ALCAM: variants seen among roughly 807,000 people sequenced by gnomAD.
ALCAM encodes the protein activated leukocyte cell adhesion molecule.
In ALCAM, 30 loss-of-function variants were observed where a neutral mutation model predicts 70.9. The observed-to-expected ratio is 0.42, with a 90% CI of 0.32 to 0.57. The LOEUF (loss-of-function observed/expected upper bound fraction) is 0.57, where lower values mean the gene tolerates loss of function less well. Among genes scored for constraint, ALCAM ranks in the 20% least tolerant of loss-of-function variants. The pLI is 0.11. For missense variants in ALCAM, 591 were observed against 695.1 expected (o/e 0.85, Z 1.68); for synonymous variants, 249 against 242.5 (o/e 1.03, Z -0.25).
At chr3:105,402,709 C>T (rs1048076316) in intron 1 of ALCAM, among the ~76,000 whole-genome samples, 5 of 152,054 alleles carry the variant, frequency 3.3e-5, no homozygotes, top group Non-Finnish European at 7.4e-5. Flanking sequence ...ACTGCACCCC[C>T]ATCCCCCATG....
intron 1 of ALCAM, among the ~76,000 whole-genome samples, chr3:105,485,058 T>A (rs561237628): frequency 1.2e-4 from 19 of 152,244 alleles, no homozygotes; most frequent in African/African-American, 3.8e-4. Context: ...TTATTCATTG[T>A]TCAATTTTTA....
intron 1 of ALCAM, among the ~76,000 whole-genome samples, chr3:105,426,307 T>C (rs1254650906): frequency 6.6e-6 from 1 of 151,906 alleles, no homozygotes; most frequent in African/African-American, 2.4e-5. Flanking sequence ...GGTACCTAGG[T>C]TCTTTTAATA....
intron 1 of ALCAM, among the ~76,000 whole-genome samples, chr3:105,465,645 T>C (rs1937696792): frequency 6.6e-6 from 1 of 151,488 alleles, no homozygotes; most frequent in South Asian, 2.1e-4. Context: ...TACTTGAATC[T>C]ATCAAGGTTG....
At chr3:105,451,138 C>G (rs1937418131) in intron 1 of ALCAM, among the ~76,000 whole-genome samples, 1 of 151,762 alleles carries the variant, frequency 6.6e-6, no homozygotes, top group Non-Finnish European at 1.5e-5. Flanking sequence ...GTGGTGCAAC[C>G]CTGTAATTTC....
At chr3:105,502,185 CATATT>C (rs1336985945) in intron 1 of ALCAM, among the ~76,000 whole-genome samples, 2 of 152,146 alleles carry the variant, frequency 1.3e-5, no homozygotes, top group Non-Finnish European at 2.9e-5. Context: ...TGTCTTATAT[CATATT>C]ATGCATAAAT....
intron 1 of ALCAM, among the ~76,000 whole-genome samples, chr3:105,507,308 T>G (rs1445732055): frequency 6.6e-6 from 1 of 152,176 alleles, no homozygotes; most frequent in Non-Finnish European, 1.5e-5. Context: ...TACATTAGAT[T>G]TTCCTGTTGT....
chr3:105,408,193 C>A (rs987495279), intron 1 of ALCAM, among the ~76,000 whole-genome samples: 2 of 99,280 alleles, frequency 2.0e-5, no homozygotes, highest in Non-Finnish European at 4.1e-5. Context: ...TTATTCTTCA[C>A]AGAACTAGAA....
chr3:105,438,441 ATC>A (rs1240031755), intron 1 of ALCAM, among the ~76,000 whole-genome samples: 3 of 152,130 alleles, frequency 2.0e-5, no homozygotes, highest in African/African-American at 7.2e-5. Flanking sequence ...AACATGAAAA[ATC>A]TCTATAATTC....
intron 1 of ALCAM, among the ~76,000 whole-genome samples, chr3:105,422,475 T>G (rs114231878): frequency 0.015 from 2,320 of 151,514 alleles, 26 homozygotes; most frequent in Middle Eastern, 0.048. Context: ...CCAATTAAAG[T>G]TTCTGATTTT....
chr3:105,512,997 A>G (rs1305015282), intron 1 of ALCAM, among the ~76,000 whole-genome samples: 1 of 151,894 alleles, frequency 6.6e-6, no homozygotes, highest in Non-Finnish European at 1.5e-5. Flanking sequence ...ATGAAAATCT[A>G]CTTTAAAACA....
At chr3:105,415,924 T>C (rs73179384) in intron 1 of ALCAM, among the ~76,000 whole-genome samples, 21,384 of 152,068 alleles carry the variant, frequency 0.14, 1,584 homozygotes, top group Middle Eastern at 0.18. Flanking sequence ...GTTTTTGGCT[T>C]TTCAAATTGA....
chr3:105,490,559 T>C (rs1019680586), intron 1 of ALCAM, among the ~76,000 whole-genome samples: 2 of 152,150 alleles, frequency 1.3e-5, no homozygotes, highest in African/African-American at 4.8e-5. Flanking sequence ...GCATGTGTGT[T>C]GTTTGTGTGC....
At chr3:105,469,754 C>A (rs1937867435) in intron 1 of ALCAM, among the ~76,000 whole-genome samples, 1 of 151,014 alleles carries the variant, frequency 6.6e-6, no homozygotes, top group Non-Finnish European at 1.5e-5. Context: ...CTGTTATCAC[C>A]TTCTGGAATA....
chr3:105,414,173 C>T lies in ALCAM; in HGVS notation c.73+46692C>T, dbSNP rs1466864838. Among the ~76,000 whole-genome samples the T allele has an allele frequency of 2.6e-5, 4 of 150,952 alleles. No individual in the cohort carries two copies. The South Asian group carries it at 6.3e-4, about 24-fold the overall frequency. ...CAGCACTTTGGGAGGCTGAGGCTGG[C>T]GGATATCCTGAGCCCAGGAGTTTGC... On this transcript the variant is annotated intron_variant, in intron 1 of 15. Coordinates refer to ENST00000306107, the MANE Select transcript of ALCAM (RefSeq NM_001627.4).
chr3:105,380,647 T>G (rs189824002), intron 1 of ALCAM, among the ~76,000 whole-genome samples: 11 of 152,060 alleles, frequency 7.2e-5, no homozygotes, highest in Non-Finnish European at 8.8e-5. Flanking sequence ...TTTTTAAATT[T>G]GAAATGGAAA....
chr3:105,548,433 G>A (rs926266583), intron 11 of ALCAM, among the ~76,000 whole-genome samples: 1 of 151,374 alleles, frequency 6.6e-6, no homozygotes, highest in African/African-American at 2.4e-5. Context: ...CTCAGATTTT[G>A]ACCCAGTTGA....
intron 14 of ALCAM, among the ~76,000 whole-genome samples, chr3:105,555,380 C>G (rs953156225): frequency 7.2e-5 from 11 of 151,998 alleles, no homozygotes; most frequent in Non-Finnish European, 1.5e-4. Flanking sequence ...TTGCTGAGTG[C>G]TTTGCATTCC....
At chr3:105,379,709 T>C (rs1481439576) in intron 1 of ALCAM, among the ~76,000 whole-genome samples, 2 of 151,862 alleles carry the variant, frequency 1.3e-5, no homozygotes, top group African/African-American at 4.8e-5. Flanking sequence ...TTCCCTTTTA[T>C]GAGCACTGTA....
intron 1 of ALCAM, among the ~76,000 whole-genome samples, chr3:105,426,840 C>T (rs184600400): frequency 1.5e-3 from 226 of 151,914 alleles, no homozygotes; most frequent in Non-Finnish European, 1.3e-3. Context: ...CCCAAAAAAA[C>T]AACAAAAAGG....
Sources: gnomAD v4.1 joint callset for allele counts (sites outside exome capture counted in the v4.1 genomes callset) on GRCh38, gnomAD v4.1.1 for gene constraint, MANE v1.5 for transcripts, NCBI Gene and HGNC (gene_info 2026-07-23, HGNC 2026-07-21) for gene names.